The following ZDHHC17 variants were observed in gnomAD, a reference collection of about 807,000 sequenced individuals.
The protein encoded by ZDHHC17 is zDHHC palmitoyltransferase 17.
Under a neutral mutation model 90.3 loss-of-function variants are expected in ZDHHC17, and 40 were observed. The observed-to-expected ratio is 0.44, with a 90% CI of 0.34 to 0.58. ZDHHC17 has a LOEUF of 0.58. Ranked by LOEUF, ZDHHC17 falls within the 20% of genes least tolerant of loss-of-function variation. The pLI, the probability that ZDHHC17 is intolerant of heterozygous loss-of-function variation, is 0.01. For synonymous variants in ZDHHC17, 235 were observed against 252.4 expected, an observed-to-expected ratio of 0.93 and a Z score of 0.65; for missense variants, 614 against 780.8, an observed-to-expected ratio of 0.79 and a Z score of 2.55.
At chr12:76,777,652 G>A (rs1306359627) in intron 1 of ZDHHC17, among the ~76,000 whole-genome samples, 1 of 152,192 alleles carries the variant, frequency 6.6e-6, no homozygotes, top group East Asian at 1.9e-4. Flanking sequence ...GTATATGAGT[G>A]AGGATGAGGG....
At chr12:76,840,786 A>G (rs930195841) in intron 10 of ZDHHC17, among the ~76,000 whole-genome samples, 1 of 152,248 alleles carries the variant, frequency 6.6e-6, no homozygotes, top group African/African-American at 2.4e-5. Context: ...ATTCCTTAAT[A>G]TACCTTTCAA....
chr12:76,776,781 C>A (rs1392300275), intron 1 of ZDHHC17, among the ~76,000 whole-genome samples: 1 of 152,078 alleles, frequency 6.6e-6, no homozygotes, highest in Non-Finnish European at 1.5e-5. Context: ...TAGAACAGGT[C>A]AATAATCTAT....
rs1192123990 is a variant in ZDHHC17, at chr12:76,815,149, G to A, written c.547G>A (p.Val183Ile). 7 of 1,556,596 alleles carry A rather than the reference G, an allele frequency of 4.5e-6. No homozygotes were observed. Among genetic ancestry groups the A allele is most frequent in the South Asian group, 1.2e-5 (1 of 83,726 alleles). The change falls in exon 6 of 17, where the codon GTA becomes ATA. Residue 183 changes from valine to isoleucine, a missense_variant. Around this residue, in one of 5 missense-constraint regions of ZDHHC17, gnomAD observed 358 missense variants for 380.4 expected, o/e 0.94. Transcript: ENST00000426126. ...TTTTTTCTTTTTACTTTATCAGGAT[G>A]TAGATATGATGGATCAGAATGGAAT... The part of the protein sequence containing the change: ...VAYLIAKGQD[V>I]DMMDQNGMTP...
At chr12:76,842,471 T>A (rs1953446644) in intron 11 of ZDHHC17, among the ~76,000 whole-genome samples, 1 of 152,192 alleles carries the variant, frequency 6.6e-6, no homozygotes, top group Non-Finnish European at 1.5e-5. Flanking sequence ...ATAGTGCAGG[T>A]ACACCATCCC....
rs191764631 is a variant in ZDHHC17, at chr12:76,810,209, A to G, written c.543+352A>G. Among the ~76,000 whole-genome samples the G allele has an allele frequency of 5.8e-3, 880 of 152,174 alleles. 10 individuals carry two copies. The highest frequency in any genetic ancestry group is 0.021 in the African/African-American group (856 of 41,536). On this transcript the variant is annotated intron_variant, in intron 5 of 16. Coordinates refer to ENST00000426126, the MANE Select transcript of ZDHHC17 (RefSeq NM_015336.4). ...TTTGAACTTATTTATTGGTTATTTT[A>G]TATATTAAATATCTCTTGAGAGGGA...
At chr12:76,823,088 T>C (rs1167811365) in intron 8 of ZDHHC17, among the ~76,000 whole-genome samples, 1 of 152,210 alleles carries the variant, frequency 6.6e-6, no homozygotes, top group Non-Finnish European at 1.5e-5. Flanking sequence ...ATGAAATTAT[T>C]TAAATCTCCA....
rs1381166971 is a variant in ZDHHC17, at chr12:76,851,446, A to T, written c.*461A>T. ...GTTTTAAGTTGATTGACTAGTTATT[A>T]TGTACATTTCAGAATGTACACATAA... On this transcript the variant is annotated 3_prime_UTR_variant, in exon 17 of 17. Transcript: ENST00000426126. 6.0e-6 allele frequency: 1 copy of T among 166,338 alleles called. No individual in the cohort carries two copies. Among genetic ancestry groups the T allele is most frequent in the Non-Finnish European group, 1.3e-5 (1 of 77,880 alleles). 10.3% of individuals were successfully genotyped at this position (166,338 alleles called of 1,614,324 possible). A position where few individuals can be genotyped will look rare whatever the true frequency, so the allele number is the denominator to read the frequency against.
Position 76,809,738 on chromosome 12 carries a change from C to A in ZDHHC17, c.424C>A (p.Gln142Lys). 6.4e-7 allele frequency: 1 copy of A among 1,573,192 alleles called. No homozygotes were observed. The highest frequency in any genetic ancestry group is 1.9e-5 in the Admixed American group (1 of 52,762). ...TRQGHLSMVVQLMKYGADPSL... is the reference protein window; with the variant it reads ...TRQGHLSMVVKLMKYGADPSL... Reference sequence around the variant, plus strand: ...ACAAGGCCATCTATCCATGGTTGTGCAACTAATGAAATATGGTGCAGATCC... The same window carrying A: ...ACAAGGCCATCTATCCATGGTTGTGAAACTAATGAAATATGGTGCAGATCC... The change falls in exon 5 of 17, where the codon CAA (glutamine) becomes AAA (lysine). Residue 142 changes from glutamine to lysine, a missense_variant. This residue lies in a region of ZDHHC17 where 358 missense variants were observed against 380.4 expected (regional missense o/e 0.94). Coordinates refer to ENST00000426126, the MANE Select transcript of ZDHHC17 (RefSeq NM_015336.4).
intron 7 of ZDHHC17, among the ~76,000 whole-genome samples, chr12:76,819,137 G>A (rs1459625242): frequency 5.3e-5 from 8 of 152,154 alleles, no homozygotes; most frequent in East Asian, 1.9e-4. Flanking sequence ...GTAACTGAGC[G>A]TCTTGTGATA....
chr12:76,799,963 G>A (rs536817394), intron 2 of ZDHHC17, among the ~76,000 whole-genome samples: 1 of 152,126 alleles, frequency 6.6e-6, no homozygotes, highest in East Asian at 1.9e-4. Flanking sequence ...CACATAGCCC[G>A]AAGGTACTTT....
intron 1 of ZDHHC17, among the ~76,000 whole-genome samples, chr12:76,774,842 T>C (rs1406533578): frequency 1.3e-5 from 2 of 152,238 alleles, no homozygotes; most frequent in Non-Finnish European, 2.9e-5. Flanking sequence ...GACTTATAGT[T>C]AATGGTGTCT....
chr12:76,848,174 C>G, intron 14 of ZDHHC17, 59 bp from the exon 15 acceptor site: 1 of 1,579,444 alleles, frequency 6.3e-7, no homozygotes, highest in Non-Finnish European at 8.7e-7. Flanking sequence ...GCACAAATGC[C>G]TATATGAGGT....
chr12:76,849,540 A>G, intron 16 of ZDHHC17, 70 bp downstream of exon 16: 2 of 900,514 alleles, frequency 2.2e-6, no homozygotes, highest in Non-Finnish European at 3.4e-6. Flanking sequence ...AGACTCTTTT[A>G]CTTAGTGATA....
chr12:76,805,266 T>A (rs1952941862), intron 2 of ZDHHC17, 51 bp from the exon 3 acceptor site: 1 of 1,453,524 alleles, frequency 6.9e-7, no homozygotes, highest in African/African-American at 1.4e-5. Context: ...TATTTTTAAC[T>A]TTACATTTCT....
intron 10 of ZDHHC17, among the ~76,000 whole-genome samples, chr12:76,830,662 C>T (rs555966330): frequency 3.9e-5 from 6 of 152,102 alleles, no homozygotes; most frequent in African/African-American, 1.4e-4. Context: ...TCTGAAATGA[C>T]TTTAGTATTC....
chr12:76,847,990 A>G (rs559650442), intron 14 of ZDHHC17, among the ~76,000 whole-genome samples: 1 of 152,370 alleles, frequency 6.6e-6, no homozygotes, highest in South Asian at 2.1e-4. Context: ...CCAATCAAAT[A>G]AAATTGTTAA....
chr12:76,765,311 C>T (rs568591827), intron 1 of ZDHHC17, among the ~76,000 whole-genome samples: 40 of 152,220 alleles, frequency 2.6e-4, no homozygotes, highest in Non-Finnish European at 5.3e-4. Flanking sequence ...TACCATGCCA[C>T]TAGTTTTTGT....
intron 1 of ZDHHC17, among the ~76,000 whole-genome samples, chr12:76,767,448 T>C (rs549703691): frequency 1.3e-5 from 2 of 152,348 alleles, no homozygotes; most frequent in African/African-American, 4.8e-5. Flanking sequence ...GATAAACGCC[T>C]TTTTAGAGGT....
At chr12:76,817,695 A>C (rs1372079793) in intron 7 of ZDHHC17, among the ~76,000 whole-genome samples, 2 of 152,112 alleles carry the variant, frequency 1.3e-5, no homozygotes. Flanking sequence ...GTAAATAATG[A>C]AGACTTGTAC....
Sources: allele counts gnomAD v4.1 joint callset (sites outside exome capture counted in the v4.1 genomes callset), GRCh38; gene constraint gnomAD v4.1.1; regional missense constraint gnomAD v4.1.1; transcripts MANE v1.5; gene names NCBI Gene and HGNC (gene_info 2026-07-23, HGNC 2026-07-21).